SYNDIG1: variants seen among roughly 807,000 people sequenced by gnomAD.
SYNDIG1 encodes synapse differentiation-inducing gene protein 1.
In SYNDIG1, 9 loss-of-function variants were observed where a neutral mutation model predicts 19.4. The observed-to-expected ratio is 0.46, with a 90% CI of 0.28 to 0.81. The LOEUF (loss-of-function observed/expected upper bound fraction) is 0.81. SYNDIG1 is among the 30% of genes least tolerant of loss of function. The pLI is 0.12. For synonymous variants in SYNDIG1, 141 were observed against 145.9 expected (o/e 0.97, Z 0.24); for missense variants, 311 against 343.3 (o/e 0.91, Z 0.74).
chr20:24,596,258 G>A (rs1298578888), intron 3 of SYNDIG1, among the ~76,000 whole-genome samples: 2 of 152,216 alleles, frequency 1.3e-5, no homozygotes, highest in Admixed American at 6.5e-5. Context: ...CCATATAAGT[G>A]TATGGTTTTA....
intron 2 of SYNDIG1, among the ~76,000 whole-genome samples, chr20:24,574,364 C>G (rs953213581): frequency 2.0e-5 from 3 of 151,756 alleles, no homozygotes; most frequent in Admixed American, 1.3e-4. Context: ...CGGCATGCAC[C>G]TTTAGTCTCA....
intron 3 of SYNDIG1, among the ~76,000 whole-genome samples, chr20:24,597,591 T>G (rs189938726): frequency 5.9e-5 from 9 of 152,206 alleles, no homozygotes; most frequent in Admixed American, 3.9e-4. Context: ...GCACTCAGTG[T>G]GGTAAGCGTT....
chr20:24,641,808 G>C (rs1018328032), intron 3 of SYNDIG1, among the ~76,000 whole-genome samples: 1 of 152,132 alleles, frequency 6.6e-6, no homozygotes, highest in South Asian at 2.1e-4. Flanking sequence ...CCCATGCCAC[G>C]CCCTGATGTT....
intron 1 of SYNDIG1, 114 bp from the exon 2 acceptor site, chr20:24,542,906 A>G (rs936304942): frequency 1.3e-6 from 1 of 780,490 alleles, no homozygotes; most frequent in Non-Finnish European, 2.0e-6. Flanking sequence ...TAACTCTCAC[A>G]GTTACTATGC....
In SYNDIG1 at chr20:24,543,190, G is replaced by C. The variant is rs754623038; in HGVS notation, c.93G>C (p.Leu31Phe). Residue 31 changes from leucine (L) to phenylalanine (F), a missense_variant, in exon 2 of 4, where the codon TTG (leucine) becomes TTC (phenylalanine). By Grantham distance (22) the Leu-to-Phe change is conservative (BLOSUM62 0). Transcript: ENST00000376862. ...KRNGLINTRN[L>F]MAESRDGLVS... is the part of the protein sequence containing the mutation. Reference sequence around the variant, plus strand: ...ATGGTTTAATTAACACCAGAAACTTGATGGCCGAGAGCAGAGATGGTCTGG... The same window carrying C: ...ATGGTTTAATTAACACCAGAAACTTCATGGCCGAGAGCAGAGATGGTCTGG... The C allele has an allele frequency of 2.5e-6, 4 of 1,614,074 alleles. No individual in the cohort carries two copies. The South Asian group carries it at 4.4e-5, about 18-fold the overall frequency.
At chr20:24,610,494 C>T (rs1236313326) in intron 3 of SYNDIG1, among the ~76,000 whole-genome samples, 1 of 152,224 alleles carries the variant, frequency 6.6e-6, no homozygotes, top group Non-Finnish European at 1.5e-5. Flanking sequence ...GTACTATCCC[C>T]ATCTCTGATT....
intron 1 of SYNDIG1, among the ~76,000 whole-genome samples, chr20:24,539,527 G>A (rs1288503256): frequency 1.3e-5 from 2 of 152,160 alleles, no homozygotes; most frequent in Admixed American, 1.3e-4. Context: ...ATCAGGAGGT[G>A]TGAGTACTCC....
At chr20:24,568,097 C>T (rs4813521) in intron 2 of SYNDIG1, among the ~76,000 whole-genome samples, 32,992 of 151,954 alleles carry the variant, frequency 0.22, 3,824 homozygotes, top group Admixed American at 0.33. Context: ...GTTGAGATCG[C>T]GCTATTGCAC....
At chr20:24,657,643 G>T (rs1484750715) in intron 3 of SYNDIG1, among the ~76,000 whole-genome samples, 1 of 152,114 alleles carries the variant, frequency 6.6e-6, no homozygotes, top group Non-Finnish European at 1.5e-5. Flanking sequence ...CTAAATACAT[G>T]CAGGCAACAA....
chr20:24,631,383 G>C (rs1030523129), intron 3 of SYNDIG1, among the ~76,000 whole-genome samples: 3 of 152,216 alleles, frequency 2.0e-5, no homozygotes, highest in African/African-American at 7.2e-5. Flanking sequence ...CAGGACCGCG[G>C]AAGGGCCTCA....
chr20:24,515,508 A>G (rs1457559933), intron 1 of SYNDIG1, among the ~76,000 whole-genome samples: 1 of 152,102 alleles, frequency 6.6e-6, no homozygotes, highest in African/African-American at 2.4e-5. Flanking sequence ...TACAAAATCA[A>G]TGTGCAAAAA....
At chr20:24,533,248 C>T (rs1220856780) in intron 1 of SYNDIG1, among the ~76,000 whole-genome samples, 1 of 152,008 alleles carries the variant, frequency 6.6e-6, no homozygotes, top group Non-Finnish European at 1.5e-5. Context: ...ACGTGTTTGT[C>T]CACGTAGGCA....
At chr20:24,517,700 A>G (rs2056911663) in intron 1 of SYNDIG1, among the ~76,000 whole-genome samples, 1 of 145,438 alleles carries the variant, frequency 6.9e-6, no homozygotes, top group Admixed American at 6.9e-5. Context: ...ATATACACAT[A>G]TATATGTGTA....
At chr20:24,588,473 C>T (rs2058453787) in intron 3 of SYNDIG1, among the ~76,000 whole-genome samples, 1 of 152,216 alleles carries the variant, frequency 6.6e-6, no homozygotes, top group African/African-American at 2.4e-5. Context: ...GGTCCTGGAC[C>T]CCCTAGGCAC....
intron 1 of SYNDIG1, among the ~76,000 whole-genome samples, chr20:24,506,559 G>C (rs1388951693): frequency 6.6e-6 from 1 of 152,162 alleles, no homozygotes; most frequent in Non-Finnish European, 1.5e-5. Context: ...AGTTTCTCTT[G>C]AAGTCCTATT....
intron 1 of SYNDIG1, among the ~76,000 whole-genome samples, chr20:24,486,761 C>T (rs960825306): frequency 1.3e-5 from 2 of 151,930 alleles, no homozygotes; most frequent in Admixed American, 6.6e-5. Context: ...CGGGTTCAAG[C>T]GATTCTCCTG....
chr20:24,613,060 G>A (rs530683054), intron 3 of SYNDIG1, among the ~76,000 whole-genome samples: 1 of 152,232 alleles, frequency 6.6e-6, no homozygotes, highest in African/African-American at 2.4e-5. Context: ...TGAAGGCAGG[G>A]TGTCAGAGCA....
chr20:24,515,149 A>T (rs1828370997), intron 1 of SYNDIG1, among the ~76,000 whole-genome samples: 1 of 152,218 alleles, frequency 6.6e-6, no homozygotes, highest in Admixed American at 6.5e-5. Flanking sequence ...AATTTATAGC[A>T]CTAAATGCCC....
At chr20:24,654,701 A>G (rs1158696966) in intron 3 of SYNDIG1, among the ~76,000 whole-genome samples, 6 of 119,160 alleles carry the variant, frequency 5.0e-5, no homozygotes, top group Non-Finnish European at 1.1e-4. Flanking sequence ...AGGAAGGAAG[A>G]GTTAGAGAAT....
Sources: gnomAD v4.1 joint callset for allele counts (sites outside exome capture counted in the v4.1 genomes callset) on GRCh38, gnomAD v4.1.1 for gene constraint, MANE v1.5 for transcripts, NCBI Gene and HGNC (gene_info 2026-07-23, HGNC 2026-07-21) for gene names.